SCP2: variants seen among roughly 807,000 people sequenced by gnomAD.
SCP2 encodes the protein SCP-2/3-oxoacyl-CoA thiolase.
Under a neutral mutation model 71.4 loss-of-function variants are expected in SCP2, and 48 were observed. That is an observed-to-expected ratio of 0.67 (90% confidence interval 0.53 to 0.86). The LOEUF (loss-of-function observed/expected upper bound fraction) is 0.86, where lower values mean the gene tolerates loss of function less well. Ranked by LOEUF, SCP2 falls within the 40% of genes least tolerant of loss-of-function variation. The pLI is 0.00. For synonymous variants in SCP2, 220 were observed against 218.1 expected, an observed-to-expected ratio of 1.01 and a Z score of -0.08; for missense variants, 560 against 655.6, an observed-to-expected ratio of 0.85 and a Z score of 1.59.
intron 13 of SCP2, among the ~76,000 whole-genome samples, chr1:53,035,478 G>A (rs1401726474): frequency 6.6e-6 from 1 of 152,098 alleles, no homozygotes. Context: ...TTAATATTGT[G>A]AAGATACTAC....
intron 3 of SCP2, 27 bp downstream of exon 3, chr1:52,948,107 A>T (rs765428455): frequency 2.0e-6 from 3 of 1,479,640 alleles, no homozygotes; most frequent in Non-Finnish European, 1.9e-6. Flanking sequence ...GTATTCTAAA[A>T]TTTTTTTACC....
intron 11 of SCP2, chr1:52,993,488 T>C (rs942696577): frequency 8.1e-6 from 13 of 1,613,298 alleles, no homozygotes; most frequent in Non-Finnish European, 1.1e-5. Context: ...AATCTGTCTT[T>C]GAAACTTATA....
In SCP2 at chr1:53,014,879, C is replaced by A. The variant is rs755756914; in HGVS notation, c.1082-11C>A. ...TGGAAGCAGCTCAGTGCTCTGTGTT[C>A]GATTTGTTAGGTCTTGCTCAGTGTG... On this transcript the variant is annotated splice_polypyrimidine_tract_variant and intron_variant, in intron 11 of 15. Coordinates refer to ENST00000371514, the MANE Select transcript of SCP2 (RefSeq NM_002979.5). 6.2e-7 allele frequency: 1 copy of A among 1,612,290 alleles called. No individual in the cohort carries two copies. The highest frequency in any genetic ancestry group is 1.1e-5 in the South Asian group (1 of 90,926).
chr1:53,001,568 G>T (rs958589428), intron 11 of SCP2, among the ~76,000 whole-genome samples: 6 of 152,096 alleles, frequency 3.9e-5, no homozygotes, highest in Non-Finnish European at 7.3e-5. Flanking sequence ...GAAAATAGAG[G>T]CATGGAGAGT....
chr1:52,993,671 T>C (rs566253225), intron 11 of SCP2: 13 of 1,612,156 alleles, frequency 8.1e-6, no homozygotes, highest in East Asian at 6.7e-5. Context: ...AGAATCTTCA[T>C]TGGTTGGATC....
Position 52,929,351 on chromosome 1 carries a change from T to TA in SCP2, c.69+1895dup, listed in dbSNP as rs201535080. ...AGGCATTCTACCATACCTGGCTAAT[T>TA]AAAAAAAAATTTTTTTTGTAGAGAC... is the stretch of plus-strand genomic sequence containing the variant. On this transcript the variant is annotated intron_variant, in intron 1 of 15. Coordinates refer to ENST00000371514, the MANE Select transcript of SCP2 (RefSeq NM_002979.5). 2.0e-4 allele frequency among the ~76,000 whole-genome samples: 30 copies of TA among 151,724 alleles called. No individual in the cohort carries two copies. In the South Asian group the frequency reaches 3.3e-3, roughly 17 times the overall value.
intron 6 of SCP2, among the ~76,000 whole-genome samples, chr1:52,969,608 G>T (rs896451145): frequency 2.6e-5 from 4 of 152,168 alleles, no homozygotes; most frequent in African/African-American, 9.7e-5. Context: ...GATCCCCTGA[G>T]GTCTGGAGTT....
intron 11 of SCP2, chr1:52,994,279 A>C: frequency 1.0e-6 from 1 of 998,746 alleles, no homozygotes; most frequent in Non-Finnish European, 1.2e-6. Flanking sequence ...AGTGACTTAA[A>C]TCCTCCTTTC....
At chr1:52,958,788 C>T (rs1656058511) in intron 5 of SCP2, among the ~76,000 whole-genome samples, 2 of 152,246 alleles carry the variant, frequency 1.3e-5, no homozygotes, top group East Asian at 1.9e-4. Flanking sequence ...CTCCTGGGCT[C>T]GAGCAATCCT....
At chr1:52,988,417 T>C (rs138463800) in intron 11 of SCP2, among the ~76,000 whole-genome samples, 3 of 152,280 alleles carry the variant, frequency 2.0e-5, no homozygotes, top group Non-Finnish European at 4.4e-5. Context: ...GAAATGAGCA[T>C]GTTATTTATA....
Position 52,961,540 on chromosome 1 carries a change from A to C in SCP2, c.434A>C (p.Asp145Ala). Residue 145 changes from aspartate to alanine, a missense_variant, in exon 6 of 16, where the codon GAC becomes GCC. Asp to Ala is a moderately radical substitution (Grantham distance 126). Coordinates refer to ENST00000371514, the MANE Select transcript of SCP2 (RefSeq NM_002979.5). Reference sequence around the variant, plus strand: ...ACCATTCCCACTGATAAGCATGTTGACCTCCTGATCAATAAGTATGGATTG... The same window carrying C: ...ACCATTCCCACTGATAAGCATGTTGCCCTCCTGATCAATAAGTATGGATTG... The part of the protein sequence containing the change: ...DRTIPTDKHV[D>A]LLINKYGLSA... 6.2e-7 allele frequency: 1 copy of C among 1,613,648 alleles called. No homozygotes were observed.
At chr1:53,002,514 C>T (rs1660382698) in intron 11 of SCP2, among the ~76,000 whole-genome samples, 2 of 152,178 alleles carry the variant, frequency 1.3e-5, no homozygotes, top group Non-Finnish European at 2.9e-5. Flanking sequence ...ATGCATTTAC[C>T]TGTCAGAGAG....
At chr1:53,035,913 G>T (rs1164084011) in intron 13 of SCP2, among the ~76,000 whole-genome samples, 1 of 151,522 alleles carries the variant, frequency 6.6e-6, no homozygotes, top group Admixed American at 6.6e-5. Context: ...CCAGCTACTC[G>T]GGAGGCTGAG....
chr1:52,939,734 A>C (rs1654046883), intron 1 of SCP2, among the ~76,000 whole-genome samples: 2 of 152,134 alleles, frequency 1.3e-5, no homozygotes, highest in Non-Finnish European at 2.9e-5. Context: ...GCTGGAGTGC[A>C]ATGGCACAAT....
chr1:53,000,867 G>A (rs149545987), intron 11 of SCP2, among the ~76,000 whole-genome samples: 1 of 152,008 alleles, frequency 6.6e-6, no homozygotes, highest in East Asian at 1.9e-4. Context: ...AGGTGGGAGG[G>A]TAGCTTGAGC....
At chr1:52,980,692 T>TG (rs1658408740) in intron 10 of SCP2, 149 bp downstream of exon 10, 1 of 795,170 alleles carries the variant, frequency 1.3e-6, no homozygotes, top group Non-Finnish European at 2.1e-6. Flanking sequence ...GTTTTGGTAG[T>TG]GGACGTTTTA....
At chr1:52,983,999 G>A (rs1376557219) in intron 10 of SCP2, among the ~76,000 whole-genome samples, 4 of 152,204 alleles carry the variant, frequency 2.6e-5, no homozygotes, top group African/African-American at 9.7e-5. Context: ...TGAGGGTGGT[G>A]GTTAAAGTCT....
intron 11 of SCP2, among the ~76,000 whole-genome samples, chr1:52,991,917 C>A (rs1178194069): frequency 6.6e-6 from 1 of 152,088 alleles, no homozygotes; most frequent in Non-Finnish European, 1.5e-5. Context: ...AAATCAGGAA[C>A]ATACTATTGA....
At chr1:53,035,012 G>A (rs1662820765) in intron 13 of SCP2, among the ~76,000 whole-genome samples, 1 of 152,058 alleles carries the variant, frequency 6.6e-6, no homozygotes, top group African/African-American at 2.4e-5. Context: ...GGCTGAGGCA[G>A]GAGAATGGCA....
Sources: allele counts gnomAD v4.1 joint callset (sites outside exome capture counted in the v4.1 genomes callset), GRCh38; gene constraint gnomAD v4.1.1; transcripts MANE v1.5; gene names NCBI Gene and HGNC (gene_info 2026-07-23, HGNC 2026-07-21).